The following COL23A1 variants were observed in gnomAD, a reference collection of about 807,000 sequenced individuals.
COL23A1 encodes collagen alpha-1(XXIII) chain.
A neutral mutation model predicts 99.3 loss-of-function variants in COL23A1; 97 were observed. The ratio of observed to expected loss-of-function variants is 0.98; its 90% CI spans 0.83 to 1.16. The LOEUF is 1.16. Among genes scored for constraint, COL23A1 ranks in the 50% most tolerant of loss-of-function variants. The pLI, the probability that COL23A1 is intolerant of heterozygous loss-of-function variation, is 0.00. For synonymous variants in COL23A1, 320 were observed against 308.2 expected, an observed-to-expected ratio of 1.04 and a Z score of -0.40; for missense variants, 762 against 757.4, an observed-to-expected ratio of 1.01 and a Z score of -0.07.
chr5:178,268,888 G>T, intron 6 of COL23A1, 132 bp from the exon 7 acceptor site: 1 of 838,268 alleles, frequency 1.2e-6, no homozygotes, highest in Non-Finnish European at 1.8e-6. Flanking sequence ...TTACACATGA[G>T]CTCTCAGCCC....
intron 2 of COL23A1, among the ~76,000 whole-genome samples, chr5:178,406,140 C>T (rs186787430): frequency 6.6e-6 from 1 of 152,134 alleles, no homozygotes; most frequent in African/African-American, 2.4e-5. Context: ...TAATGGCATT[C>T]TCATGTACAA....
intron 2 of COL23A1, among the ~76,000 whole-genome samples, chr5:178,381,429 C>A (rs1484633140): frequency 6.6e-6 from 1 of 152,200 alleles, no homozygotes; most frequent in East Asian, 1.9e-4. Context: ...GCCAGCAGGA[C>A]CAGCTGCTTG....
At chr5:178,367,597 G>A (rs949406001) in intron 2 of COL23A1, among the ~76,000 whole-genome samples, 3 of 152,220 alleles carry the variant, frequency 2.0e-5, no homozygotes, top group African/African-American at 7.2e-5. Context: ...GCCCTGACAT[G>A]TTAGGGAGGC....
rs55995523 is a variant in COL23A1, at chr5:178,365,136, CGTGTGTGTGTGTGTGT to C, written c.362-58233_362-58218del. Among the ~76,000 whole-genome samples, 2 of 147,806 alleles carry C rather than the reference CGTGTGTGTGTGTGTGT, an allele frequency of 1.4e-5. No homozygotes were observed. The highest frequency in any genetic ancestry group is 3.0e-5 in the Non-Finnish European group (2 of 66,932). Reference sequence around the variant, plus strand: ...GGGCTTTATGATGTTGCTGTGTGTGCGTGTGTGTGTGTGTGTGTGTGTGTGTGTGTGTGTGATAAAT... The same window carrying C: ...GGGCTTTATGATGTTGCTGTGTGTGCGTGTGTGTGTGTGTGTGTGATAAAT... On this transcript the variant is annotated intron_variant, in intron 2 of 28. Transcript: ENST00000390654. The surrounding 1 kb of genome is among the most constrained non-coding windows in gnomAD (Gnocchi z 5.2).
chr5:178,344,088 T>C (rs1250880199), intron 2 of COL23A1, among the ~76,000 whole-genome samples: 1 of 152,186 alleles, frequency 6.6e-6, no homozygotes, highest in Non-Finnish European at 1.5e-5. Context: ...AATGAACGTG[T>C]AGAAACTGGT....
intron 1 of COL23A1, among the ~76,000 whole-genome samples, chr5:178,582,007 T>C (rs1763683770): frequency 6.6e-6 from 1 of 152,042 alleles, no homozygotes; most frequent in Non-Finnish European, 1.5e-5. Flanking sequence ...TTCATCATGC[T>C]AAATCAAGAC....
intron 1 of COL23A1, among the ~76,000 whole-genome samples, chr5:178,563,364 GACACCACC>G (rs1247284329): frequency 6.6e-6 from 1 of 152,098 alleles, no homozygotes; most frequent in Admixed American, 6.6e-5. Flanking sequence ...AGGCGCAGCA[GACACCACC>G]CCTACTAATC....
chr5:178,435,427 G>A (rs972333957), intron 2 of COL23A1, among the ~76,000 whole-genome samples: 2 of 152,120 alleles, frequency 1.3e-5, no homozygotes, highest in African/African-American at 4.8e-5. Flanking sequence ...CCTCCACTTG[G>A]CAAACCTGGG....
chr5:178,530,163 T>A (rs1760563453), intron 2 of COL23A1, among the ~76,000 whole-genome samples: 1 of 152,150 alleles, frequency 6.6e-6, no homozygotes, highest in Non-Finnish European at 1.5e-5. Context: ...ATTCTTCCCA[T>A]CAAAAGGCAG....
intron 2 of COL23A1, among the ~76,000 whole-genome samples, chr5:178,467,283 G>A (rs949048582): frequency 6.6e-6 from 1 of 152,192 alleles, no homozygotes; most frequent in Non-Finnish European, 1.5e-5. Context: ...ACCTCTCCTT[G>A]TAGAAATGTG....
chr5:178,569,388 G>A (rs76657415), intron 1 of COL23A1, among the ~76,000 whole-genome samples: 5,814 of 152,268 alleles, frequency 0.038, 144 homozygotes, highest in Middle Eastern at 0.14. Flanking sequence ...CAATATGAGC[G>A]TGTTAACATC....
intron 2 of COL23A1, among the ~76,000 whole-genome samples, chr5:178,403,126 A>AAAAAAAAAAAAAAAAAAAAAAAAAAAC (rs1764553740): frequency 8.5e-6 from 1 of 117,118 alleles, no homozygotes; most frequent in African/African-American, 3.3e-5. Flanking sequence ...AAAAAAATAA[A>AAAAAAAAAAAAAAAAAAAAAAAAAAAC]TAAATAAAAA....
chr5:178,540,974 T>C (rs1208529157), intron 2 of COL23A1, among the ~76,000 whole-genome samples: 1 of 152,226 alleles, frequency 6.6e-6, no homozygotes, highest in Non-Finnish European at 1.5e-5. Flanking sequence ...AGCAGGGCTG[T>C]TTATCTTTTT....
chr5:178,254,611 C>T (rs1243151336), intron 16 of COL23A1, among the ~76,000 whole-genome samples: 1 of 152,198 alleles, frequency 6.6e-6, no homozygotes. Context: ...GAGACCTAGC[C>T]CTCCAGCCAG....
chr5:178,463,021 C>G (rs1302476019), intron 2 of COL23A1, among the ~76,000 whole-genome samples: 1 of 152,274 alleles, frequency 6.6e-6, no homozygotes, highest in Non-Finnish European at 1.5e-5. Context: ...CCAAAGGTTG[C>G]AAGGGCTGGA....
At chr5:178,406,461 G>A (rs1294111224) in intron 2 of COL23A1, among the ~76,000 whole-genome samples, 2 of 140,096 alleles carry the variant, frequency 1.4e-5, no homozygotes, top group East Asian at 2.0e-4. Flanking sequence ...ACGGAGTCTC[G>A]CTCTGTCATC....
In COL23A1 at chr5:178,428,661, T is replaced by C. The variant is rs1425623918; in HGVS notation, c.362-121742A>G. 1.3e-5 allele frequency among the ~76,000 whole-genome samples: 2 copies of C among 152,180 alleles called. No individual in the cohort carries two copies. Among genetic ancestry groups the C allele is most frequent in the Non-Finnish European group, 2.9e-5 (2 of 68,018 alleles). ...TGACCTCATTATGTCAGCGCCCGGA[T>C]TGTGTGCTGGGGCTGGGCTGGGGAC... On this transcript the variant is annotated intron_variant, in intron 2 of 28. Transcript: ENST00000390654. The surrounding 1 kb of genome is among the most constrained non-coding windows in gnomAD (Gnocchi z 5.0).
chr5:178,473,461 ATTTTTTTTTTTT>A (rs58255875), intron 2 of COL23A1, among the ~76,000 whole-genome samples: 1 of 95,092 alleles, frequency 1.1e-5, no homozygotes, highest in Admixed American at 1.1e-4. Context: ...CATCCGGCTA[ATTTTTTTTTTTT>A]TTTTTTTTTT....
chr5:178,254,773 G>A (rs748247169), intron 16 of COL23A1, among the ~76,000 whole-genome samples, 176 bp downstream of exon 16: 1 of 152,154 alleles, frequency 6.6e-6, no homozygotes, highest in East Asian at 1.9e-4. Context: ...TCTCTGAGGC[G>A]GGTCTCAACA....
Sources: gnomAD v4.1 joint callset for allele counts (sites outside exome capture counted in the v4.1 genomes callset) on GRCh38, gnomAD v4.1.1 for gene constraint, Gnocchi (gnomAD v3.1) non-coding constraint, MANE v1.5 for transcripts, NCBI Gene and HGNC (gene_info 2026-07-23, HGNC 2026-07-21) for gene names.